TUSC3: variants seen among roughly 807,000 people sequenced by gnomAD.
TUSC3 encodes tumor suppressor candidate 3, also known as dolichyl-diphosphooligosaccharide--protein glycosyltransferase subunit TUSC3.
In TUSC3, 45 loss-of-function variants were observed where a neutral mutation model predicts 44.8. The observed-to-expected ratio is 1.00, with a 90% CI of 0.79 to 1.29. The LOEUF is 1.29. TUSC3 is among the 50% of genes most tolerant of loss of function. The probability of loss-of-function intolerance (pLI) is 0.00; values close to 1 mark genes in which losing one functional copy is unlikely to be tolerated. For synonymous variants in TUSC3, 212 were observed against 152.9 expected, an observed-to-expected ratio of 1.39 and a Z score of -2.85; for missense variants, 519 against 437.9, an observed-to-expected ratio of 1.19 and a Z score of -1.65.
intron 2 of TUSC3, among the ~76,000 whole-genome samples, chr8:15,522,315 C>T (rs563605518): frequency 6.6e-6 from 1 of 152,168 alleles, no homozygotes; most frequent in South Asian, 2.1e-4. Context: ...TCACTGCAAC[C>T]TCTGCCTCCC....
chr8:15,645,367 T>C (rs1336085526), intron 2 of TUSC3, among the ~76,000 whole-genome samples: 1 of 152,100 alleles, frequency 6.6e-6, no homozygotes, highest in Non-Finnish European at 1.5e-5. Flanking sequence ...CTTACTTTTC[T>C]CTCCCTGTCC....
chr8:15,695,859 A>G (rs1809136192), intron 6 of TUSC3, among the ~76,000 whole-genome samples: 1 of 152,122 alleles, frequency 6.6e-6, no homozygotes, highest in Non-Finnish European at 1.5e-5. Flanking sequence ...CTCAAGAGAG[A>G]TGATTTAGGG....
chr8:15,547,796 A>G (rs1801924953), intron 1 of TUSC3, among the ~76,000 whole-genome samples: 1 of 151,440 alleles, frequency 6.6e-6, no homozygotes, highest in African/African-American at 2.4e-5. Flanking sequence ...TGCCCTTTCC[A>G]TTGCATTATG....
At chr8:15,426,171 A>G (rs533903658) in intron 1 of TUSC3, among the ~76,000 whole-genome samples, 1 of 152,246 alleles carries the variant, frequency 6.6e-6, no homozygotes, top group Non-Finnish European at 1.5e-5. Context: ...TTATCCCATC[A>G]TCACAATCAA....
intron 1 of TUSC3, among the ~76,000 whole-genome samples, chr8:15,595,215 C>A (rs923087844): frequency 2.0e-5 from 3 of 152,194 alleles, no homozygotes; most frequent in African/African-American, 7.2e-5. Context: ...CAGATAGATA[C>A]TTTTCCCAGC....
chr8:15,466,975 T>G (rs1800422931), intron 1 of TUSC3, among the ~76,000 whole-genome samples: 1 of 152,140 alleles, frequency 6.6e-6, no homozygotes, highest in Non-Finnish European at 1.5e-5. Context: ...TTTAAATTCA[T>G]GACTTTACCC....
the TUSC3 span, among the ~76,000 whole-genome samples, chr8:15,816,021 A>C: frequency 6.6e-6 from 1 of 152,170 alleles, no homozygotes. Flanking sequence ...TACTAGATAT[A>C]TTAAATCCAA....
intron 2 of TUSC3, among the ~76,000 whole-genome samples, chr8:15,493,748 CA>C (rs1800841253): frequency 6.6e-6 from 1 of 152,106 alleles, no homozygotes; most frequent in South Asian, 2.1e-4. Flanking sequence ...GAATCAAGTT[CA>C]AAAAGTGAGC....
intron 1 of TUSC3, among the ~76,000 whole-genome samples, chr8:15,602,574 G>T (rs2410279): frequency 0.33 from 50,332 of 151,244 alleles, 9,658 homozygotes; most frequent in Non-Finnish European, 0.43. Context: ...ACAAGTACCT[G>T]TCTTTGTGAT....
At chr8:15,549,432 A>C (rs976818752) in intron 1 of TUSC3, among the ~76,000 whole-genome samples, 1 of 151,564 alleles carries the variant, frequency 6.6e-6, no homozygotes, top group East Asian at 2.0e-4. Context: ...TCGGCCTCCC[A>C]AAGTGCTGGG....
intron 2 of TUSC3, among the ~76,000 whole-genome samples, chr8:15,646,359 C>G (rs1806629976): frequency 6.6e-6 from 1 of 152,002 alleles, no homozygotes; most frequent in Non-Finnish European, 1.5e-5. Context: ...TTTTATTCTT[C>G]CCATTATCTT....
intron 2 of TUSC3, among the ~76,000 whole-genome samples, chr8:15,629,875 C>T (rs1023738097): frequency 2.0e-5 from 3 of 152,068 alleles, no homozygotes; most frequent in African/African-American, 7.2e-5. Context: ...GCTCTTCCTT[C>T]ACACAGTCAG....
intron 1 of TUSC3, among the ~76,000 whole-genome samples, chr8:15,575,187 A>G (rs532211191): frequency 1.3e-5 from 2 of 152,108 alleles, no homozygotes; most frequent in South Asian, 4.1e-4. Flanking sequence ...AACCTATACT[A>G]CTTTATGTTT....
intron 1 of TUSC3, among the ~76,000 whole-genome samples, chr8:15,586,296 A>G (rs1168188215): frequency 1.3e-5 from 2 of 152,172 alleles, no homozygotes; most frequent in African/African-American, 2.4e-5. Context: ...TGTATAAGTC[A>G]TTAGTGGGGA....
intron 1 of TUSC3, among the ~76,000 whole-genome samples, chr8:15,469,110 A>G (rs1017599334): frequency 6.6e-6 from 1 of 152,218 alleles, no homozygotes; most frequent in Non-Finnish European, 1.5e-5. Context: ...TCAAGCGATA[A>G]TGAAGCAATT....
intron 6 of TUSC3, among the ~76,000 whole-genome samples, chr8:15,682,762 GTTTC>G (rs1808476412): frequency 6.7e-6 from 1 of 148,926 alleles, no homozygotes; most frequent in Non-Finnish European, 1.5e-5. Context: ...GCTTATGTGT[GTTTC>G]TGTGGTGGCA....
At chr8:15,420,164 GT>G (rs1799719753) in intron 1 of TUSC3, among the ~76,000 whole-genome samples, 1 of 152,014 alleles carries the variant, frequency 6.6e-6, no homozygotes. Context: ...TTATATTTTG[GT>G]GACATATCAT....
chr8:15,548,923 T>A (rs1262832007), intron 1 of TUSC3, among the ~76,000 whole-genome samples: 1 of 151,780 alleles, frequency 6.6e-6, no homozygotes, highest in Non-Finnish European at 1.5e-5. Flanking sequence ...TTAAAAAGCA[T>A]CTGTGCATGT....
intron 2 of TUSC3, among the ~76,000 whole-genome samples, chr8:15,640,297 A>G (rs1806306864): frequency 6.6e-6 from 1 of 152,176 alleles, no homozygotes; most frequent in African/African-American, 2.4e-5. Flanking sequence ...ACAGGGAGTC[A>G]CTGTTGGAAA....
Sources: allele counts gnomAD v4.1 joint callset (sites outside exome capture counted in the v4.1 genomes callset), GRCh38; gene constraint gnomAD v4.1.1; transcripts MANE v1.5; gene names NCBI Gene and HGNC (gene_info 2026-07-23, HGNC 2026-07-21).